Variants in PLEKHG1 observed in about 807,000 individuals in gnomAD.
The protein encoded by PLEKHG1 is pleckstrin homology domain-containing family G member 1.
PLEKHG1 carries 44 observed loss-of-function variants against 100.8 expected under a neutral mutation model. The ratio of observed to expected loss-of-function variants is 0.44; its 90% CI spans 0.34 to 0.56. The LOEUF (loss-of-function observed/expected upper bound fraction) is 0.56. PLEKHG1 is among the 20% of genes least tolerant of loss of function. The pLI is 0.01. For synonymous variants in PLEKHG1, 640 were observed against 662.5 expected (o/e 0.97, Z 0.52); for missense variants, 1,545 against 1,720.9 (o/e 0.90, Z 1.81).
At chr6:150,779,644 C>T (rs868480841) in intron 3 of PLEKHG1, among the ~76,000 whole-genome samples, 14 of 151,706 alleles carry the variant, frequency 9.2e-5, no homozygotes, top group Admixed American at 4.6e-4. Context: ...CCATGCCTGG[C>T]CTGCCAAGAA....
At chr6:150,651,391 G>A (rs1778724938) in intron 3 of PLEKHG1, among the ~76,000 whole-genome samples, 1 of 151,948 alleles carries the variant, frequency 6.6e-6, no homozygotes, top group Non-Finnish European at 1.5e-5. Flanking sequence ...GCACCACCAT[G>A]ACTGGCTAAT....
At position 150,819,597 on chromosome 6, in the gene PLEKHG1, T is replaced by C; in HGVS notation, c.1313-82T>C. 4.4e-6 allele frequency: 3 copies of C among 683,832 alleles called. No homozygotes were observed. In the South Asian group the frequency reaches 5.5e-5, roughly 13 times the overall value. 42.4% of individuals were successfully genotyped at this position (683,832 alleles called of 1,614,324 possible). On this transcript the variant is annotated intron_variant, in intron 11 of 15. Transcript: ENST00000358517. ...AATAATAATAATAATAATAAATCCA[T>C]ATAAATCTACACTAGCCATAACCAT... is the stretch of plus-strand genomic sequence containing the variant.
chr6:150,823,972 T>G (rs1340605104), intron 14 of PLEKHG1, among the ~76,000 whole-genome samples: 4 of 152,210 alleles, frequency 2.6e-5, no homozygotes, highest in Non-Finnish European at 4.4e-5. Context: ...GTGTAATACC[T>G]GCCCGGTGCT....
At chr6:150,826,685 G>A (rs868274152) in intron 14 of PLEKHG1, among the ~76,000 whole-genome samples, 13 of 151,988 alleles carry the variant, frequency 8.6e-5, no homozygotes, top group Admixed American at 4.6e-4. Flanking sequence ...TTGAGACAGG[G>A]TCTTGCTCTG....
At chr6:150,765,484 ACT>A (rs1200091749) in intron 2 of PLEKHG1, among the ~76,000 whole-genome samples, 6 of 131,924 alleles carry the variant, frequency 4.5e-5, no homozygotes, top group Non-Finnish European at 9.2e-5. Context: ...ACAGAGTGAG[ACT>A]CTGTCTCAAA....
At chr6:150,773,807 T>A (rs1784820793) in intron 3 of PLEKHG1, among the ~76,000 whole-genome samples, 1 of 152,238 alleles carries the variant, frequency 6.6e-6, no homozygotes, top group African/African-American at 2.4e-5. Flanking sequence ...CATCTTTACA[T>A]TACTGTCATC....
chr6:150,642,910 T>A (rs1778330261), intron 2 of PLEKHG1, among the ~76,000 whole-genome samples: 1 of 152,276 alleles, frequency 6.6e-6, no homozygotes, highest in Non-Finnish European at 1.5e-5. Context: ...GCACCTGTAA[T>A]AGTAGCGGTA....
chr6:150,691,400 T>C (rs938504346), intron 3 of PLEKHG1, among the ~76,000 whole-genome samples: 1 of 152,220 alleles, frequency 6.6e-6, no homozygotes, highest in Admixed American at 6.5e-5. Flanking sequence ...AATAATGTTA[T>C]AAAGGACAGA....
At chr6:150,712,134 A>G (rs987880928) in intron 3 of PLEKHG1, among the ~76,000 whole-genome samples, 7 of 152,196 alleles carry the variant, frequency 4.6e-5, no homozygotes, top group Non-Finnish European at 8.8e-5. Context: ...GGGACAATCT[A>G]TAGGGATCCC....
chr6:150,725,767 C>CTT (rs11396419), intron 1 of PLEKHG1, among the ~76,000 whole-genome samples: 7 of 146,630 alleles, frequency 4.8e-5, no homozygotes, highest in East Asian at 4.0e-4. Context: ...TTTTTTTTTT[C>CTT]TTTTTTTTTC....
At chr6:150,818,627 A>G (rs895191025) in intron 11 of PLEKHG1, among the ~76,000 whole-genome samples, 1 of 152,244 alleles carries the variant, frequency 6.6e-6, no homozygotes, top group African/African-American at 2.4e-5. Flanking sequence ...TTCCTGATGC[A>G]GCAGAAACTT....
rs1402083332 is a variant in PLEKHG1, at chr6:150,839,896, A to G, written c.3158A>G (p.Lys1053Arg). 6 of 1,614,108 alleles carry G rather than the reference A, an allele frequency of 3.7e-6. 1 individual carries two copies. In the South Asian group the frequency reaches 4.4e-5, roughly 12 times the overall value. The change falls in exon 16 of 16, where the codon AAA (lysine) becomes AGA (arginine). Residue 1053 changes from lysine (K) to arginine (R), a missense_variant. Physicochemically the swap from Lys to Arg is conservative, Grantham distance 26 (BLOSUM62 2). Transcript: ENST00000358517. ...ATTGTATTCAGAGAGTCTCCCTTGA[A>G]AATTCAGAAGGATGGCTGGGCCAGC...
chr6:150,768,538 A>G lies in PLEKHG1; in HGVS notation c.412-100A>G, dbSNP rs111880767. On this transcript the variant is annotated intron_variant, in intron 2 of 15. Coordinates refer to ENST00000358517, the Ensembl canonical transcript of PLEKHG1. ...CAGAGTTAATGAGCACACTAGTAAA[A>G]TAATTACTTGAAACAGATATGAAAG... 123 of 696,712 alleles carry G rather than the reference A, an allele frequency of 1.8e-4. 2 individuals carry two copies. The highest frequency in any genetic ancestry group is 1.6e-3 in the African/African-American group (89 of 55,996). 43.2% of individuals were successfully genotyped at this position (696,712 alleles called of 1,614,324 possible).
At chr6:150,659,599 A>G (rs1253530699) in intron 3 of PLEKHG1, among the ~76,000 whole-genome samples, 4 of 152,240 alleles carry the variant, frequency 2.6e-5, no homozygotes, top group Non-Finnish European at 5.9e-5. Context: ...GCTATGGAGC[A>G]GCAGCGGGAG....
chr6:150,627,258 T>C (rs925249122), intron 1 of PLEKHG1, among the ~76,000 whole-genome samples: 14 of 152,252 alleles, frequency 9.2e-5, no homozygotes, highest in African/African-American at 3.1e-4. Context: ...ATCATTTCTC[T>C]TCCTAAGCTG....
At chr6:150,624,324 C>T (rs1333401202) in intron 1 of PLEKHG1, among the ~76,000 whole-genome samples, 4 of 152,108 alleles carry the variant, frequency 2.6e-5, no homozygotes, top group African/African-American at 9.7e-5. Flanking sequence ...CCAGGATCCT[C>T]CCCTCCCCAA....
At chr6:150,733,135 C>T (rs567170932) in intron 1 of PLEKHG1, among the ~76,000 whole-genome samples, 2 of 152,258 alleles carry the variant, frequency 1.3e-5, no homozygotes, top group African/African-American at 4.8e-5. Flanking sequence ...GGAATCACGT[C>T]GGGTCCCTTT....
rs117898584 is a variant in PLEKHG1 at position 150,840,109 on chromosome 6, C to T, written c.3371C>T (p.Ser1124Phe). The T allele has an allele frequency of 3.9e-4, 623 of 1,614,242 alleles. 1 individual carries two copies. In the Middle Eastern group the frequency reaches 4.9e-3, roughly 13 times the overall value. Reference sequence around the variant, plus strand: ...ACAAAAAGTACTCCCAGGCAATTGTCCGCAGCTTGCTCTGTGCCTTCTCTT... The same window carrying T: ...ACAAAAAGTACTCCCAGGCAATTGTTCGCAGCTTGCTCTGTGCCTTCTCTT... Residue 1124 changes from serine (S) to phenylalanine (F), a missense_variant, in exon 16 of 16, where the codon TCC becomes TTC. By Grantham distance (155) the Ser-to-Phe change is radical. Transcript: ENST00000358517.
Position 150,823,597 on chromosome 6 carries a change from C to T in PLEKHG1, c.1448-57C>T, listed in dbSNP as rs1776426864. On this transcript the variant is annotated intron_variant, in intron 13 of 15. Coordinates refer to ENST00000358517, the Ensembl canonical transcript of PLEKHG1. ...AAGTTCTATAAAATATTAGTGCTTA[C>T]TTATATAGGAGGTACATTTTCATTC... 1.4e-5 allele frequency: 17 copies of T among 1,173,414 alleles called. No homozygotes were observed. The South Asian group carries it at 2.1e-4, about 15-fold the overall frequency. 72.7% of individuals were successfully genotyped at this position (1,173,414 alleles called of 1,614,324 possible). A position where few individuals can be genotyped will look rare whatever the true frequency, so the allele number is the denominator to read the frequency against.
Sources: gnomAD v4.1 joint callset for allele counts (sites outside exome capture counted in the v4.1 genomes callset) on GRCh38, gnomAD v4.1.1 for gene constraint, MANE v1.5 for transcripts, NCBI Gene and HGNC (gene_info 2026-07-23, HGNC 2026-07-21) for gene names.